The following UGT2A2 variants were observed in gnomAD, a reference collection of about 807,000 sequenced individuals.
UGT2A2 encodes the protein UDP-glucuronosyltransferase 2A2.
UGT2A2 carries 60 observed loss-of-function variants against 50.7 expected under a neutral mutation model. The ratio of observed to expected loss-of-function variants is 1.18; its 90% confidence interval spans 0.96 to 1.47. The LOEUF (loss-of-function observed/expected upper bound fraction) is 1.47, where lower values mean the gene tolerates loss of function less well. Ranked by LOEUF, UGT2A2 falls within the 40% of genes most tolerant of loss-of-function variation. The probability of loss-of-function intolerance (pLI) is 0.00; values close to 1 mark genes in which losing one functional copy is unlikely to be tolerated. For missense variants in UGT2A2, 762 were observed against 634.0 expected (o/e 1.20, Z -2.17); for synonymous variants, 242 against 214.6 (o/e 1.13, Z -1.11).
chr4:69,609,623 C>A (rs1719910565), intron 1 of UGT2A2, among the ~76,000 whole-genome samples: 1 of 152,110 alleles, frequency 6.6e-6, no homozygotes, highest in Admixed American at 6.6e-5. Context: ...AAAGTATAAA[C>A]TAGTATAATG....
intron 1 of UGT2A2, among the ~76,000 whole-genome samples, chr4:69,605,178 A>T (rs113461916): frequency 7.3e-5 from 10 of 136,670 alleles, no homozygotes; most frequent in African/African-American, 3.0e-4. Flanking sequence ...GAAGTAAAGC[A>T]CTCCTCAGCA....
At chr4:69,635,121 A>G (rs564650513) in intron 1 of UGT2A2, among the ~76,000 whole-genome samples, 2 of 152,210 alleles carry the variant, frequency 1.3e-5, no homozygotes, top group Admixed American at 6.5e-5. Flanking sequence ...GTTTAAAAAT[A>G]AAAATAAAAA....
At chr4:69,629,990 T>C (rs1445673373) in intron 1 of UGT2A2, among the ~76,000 whole-genome samples, 1 of 152,082 alleles carries the variant, frequency 6.6e-6, no homozygotes, top group Non-Finnish European at 1.5e-5. Flanking sequence ...AATGTACAAG[T>C]ATACTTAAAA....
intron 5 of UGT2A2, 135 bp downstream of exon 5, chr4:69,594,342 A>C (rs181160146): frequency 5.7e-6 from 7 of 1,217,458 alleles, no homozygotes; most frequent in Non-Finnish European, 7.8e-6. Flanking sequence ...TTTGGCAAAT[A>C]AAATAGTTTT....
chr4:69,616,573 G>A (rs2109927795), intron 1 of UGT2A2, among the ~76,000 whole-genome samples: 1 of 151,886 alleles, frequency 6.6e-6, no homozygotes, highest in East Asian at 1.9e-4. Flanking sequence ...CAACAAAAAG[G>A]AACTGAAGTG....
rs755170604 is a variant in UGT2A2, at chr4:69,595,139, C to G, written c.1111+23G>C. On this transcript the variant is annotated intron_variant, in intron 4 of 5. Coordinates refer to ENST00000604629, the MANE Select transcript of UGT2A2 (RefSeq NM_001105677.2). ...ACTTGTCTATTGTCCCACTGTACAG[C>G]TTTTCTTTCCCCACAGTCTTACCAA... is the stretch of plus-strand genomic sequence containing the variant. The G allele has an allele frequency of 1.9e-6, 3 of 1,613,446 alleles. No homozygotes were observed. The East Asian group carries it at 6.7e-5, about 36-fold the overall frequency.
intron 1 of UGT2A2, among the ~76,000 whole-genome samples, chr4:69,604,369 C>T (rs1719475160): frequency 7.3e-6 from 1 of 136,220 alleles, no homozygotes; most frequent in Non-Finnish European, 1.6e-5. Context: ...CAAGCAAATG[C>T]TGAGAGATTT....
At position 69,616,373 on chromosome 4, in the gene UGT2A2, G is replaced by A. The variant is rs549414499; in HGVS notation, c.743-16979C>T. Reference sequence around the variant, plus strand: ...TTTGTGTGTTTTAAAATGACTAAGAGTGGAATTGGAATTTTCCTAACATAG... The same window carrying A: ...TTTGTGTGTTTTAAAATGACTAAGAATGGAATTGGAATTTTCCTAACATAG... On this transcript the variant is annotated intron_variant, in intron 1 of 5. Transcript: ENST00000604629. 4.9e-4 allele frequency among the ~76,000 whole-genome samples: 74 copies of A among 152,040 alleles called. 1 individual carries two copies. The highest frequency in any genetic ancestry group is 1.4e-3 in the Admixed American group (22 of 15,228).
At chr4:69,617,448 T>C (rs114772317) in intron 1 of UGT2A2, among the ~76,000 whole-genome samples, 1,939 of 152,006 alleles carry the variant, frequency 0.013, 38 homozygotes, top group African/African-American at 0.044. Flanking sequence ...AAATGTATAT[T>C]ATAAAACAAA....
At chr4:69,609,311 C>T (rs1334089531) in intron 1 of UGT2A2, among the ~76,000 whole-genome samples, 1 of 152,014 alleles carries the variant, frequency 6.6e-6, no homozygotes, top group Admixed American at 6.6e-5. Context: ...AACACCAAAC[C>T]TAGCTATTTT....
At chr4:69,630,650 G>C (rs1371288515) in intron 1 of UGT2A2, among the ~76,000 whole-genome samples, 1 of 152,202 alleles carries the variant, frequency 6.6e-6, no homozygotes, top group East Asian at 1.9e-4. Context: ...AATGAGACAT[G>C]TACTTTCAAC....
Position 69,639,343 on chromosome 4 carries a change from T to A in UGT2A2, c.298A>T (p.Ile100Leu), listed in dbSNP as rs768266961. 1.2e-6 allele frequency: 2 copies of A among 1,613,734 alleles called. No individual in the cohort carries two copies. The highest frequency in any genetic ancestry group is 2.2e-5 in the East Asian group (1 of 44,866). Reference protein sequence around the residue: ...SNIDSLIEHMIMLWIDHRPTP... With the variant: ...SNIDSLIEHMLMLWIDHRPTP... ...GGTCTATGGTCAATCCACAGCATTA[T>A]CATATGCTCAATTAAGGAATCTATA... The change falls in exon 1 of 6, where the codon ATA (isoleucine) becomes TTA (leucine). Residue 100 changes from isoleucine (I) to leucine (L), a missense_variant. Physicochemically the swap from Ile to Leu is conservative, Grantham distance 5. Coordinates refer to ENST00000604629, the MANE Select transcript of UGT2A2 (RefSeq NM_001105677.2).
At position 69,589,310 on chromosome 4, in the gene UGT2A2, G is replaced by C; in HGVS notation, c.*62C>G. On this transcript the variant is annotated 3_prime_UTR_variant, in exon 6 of 6. Transcript: ENST00000604629. ...AAACTCCTTTTGTCTGGAATTAATA[G>C]GACTACACTACTCAGGATTTTGCCA... 1.3e-6 allele frequency: 2 copies of C among 1,483,642 alleles called. No homozygotes were observed. The highest frequency in any genetic ancestry group is 2.8e-5 in the South Asian group (2 of 70,654). The allele number at this position is 1,483,642 out of a possible 1,614,324, so 91.9% of individuals were successfully genotyped here. A position where few individuals can be genotyped will look rare whatever the true frequency, so the allele number is the denominator to read the frequency against.
chr4:69,617,902 C>CACAGTA (rs1720496492), intron 1 of UGT2A2, among the ~76,000 whole-genome samples: 1 of 151,850 alleles, frequency 6.6e-6, no homozygotes, highest in South Asian at 2.1e-4. Context: ...ACAAAACCGA[C>CACAGTA]ACAGTAACAG....
chr4:69,607,154 C>A (rs996894710), intron 1 of UGT2A2, among the ~76,000 whole-genome samples: 1 of 147,866 alleles, frequency 6.8e-6, no homozygotes, highest in Non-Finnish European at 1.5e-5. Context: ...CATCACACTA[C>A]CTGACTTCAA....
At chr4:69,621,490 T>C (rs1720753491) in intron 1 of UGT2A2, among the ~76,000 whole-genome samples, 1 of 151,520 alleles carries the variant, frequency 6.6e-6, no homozygotes. Context: ...TATTAAAAAG[T>C]AAAAAAAATA....
At chr4:69,590,721 G>T (rs1262665108) in intron 5 of UGT2A2, among the ~76,000 whole-genome samples, 1 of 151,930 alleles carries the variant, frequency 6.6e-6, no homozygotes, top group Non-Finnish European at 1.5e-5. Context: ...TGGATCATCC[G>T]AATATACTTT....
Position 69,632,888 on chromosome 4 carries a change from A to C in UGT2A2, c.742+6011T>G, listed in dbSNP as rs145695253. 5.3e-3 allele frequency among the ~76,000 whole-genome samples: 789 copies of C among 149,680 alleles called. 8 individuals carry two copies. Among genetic ancestry groups the C allele is most frequent in the African/African-American group, 0.018 (722 of 40,768 alleles). ...GAGCGACAGTGCAAGACTCGGTCAA[A>C]AAAAAAAAAAAAAGTAACTACATTT... On this transcript the variant is annotated intron_variant, in intron 1 of 5. Coordinates refer to ENST00000604629, the MANE Select transcript of UGT2A2 (RefSeq NM_001105677.2).
intron 1 of UGT2A2, among the ~76,000 whole-genome samples, chr4:69,632,090 G>A (rs952897122): frequency 1.3e-5 from 2 of 151,998 alleles, no homozygotes; most frequent in Non-Finnish European, 2.9e-5. Context: ...AGAGATTCAC[G>A]AAAATGAAAG....
Sources: gnomAD v4.1 joint callset for allele counts (sites outside exome capture counted in the v4.1 genomes callset) on GRCh38, gnomAD v4.1.1 for gene constraint, MANE v1.5 for transcripts, NCBI Gene and HGNC (gene_info 2026-07-23, HGNC 2026-07-21) for gene names.